Variants in DNASE1L1 observed in about 807,000 individuals in gnomAD.
DNASE1L1 encodes deoxyribonuclease 1 like 1.
Under a neutral mutation model 18.6 loss-of-function variants are expected in DNASE1L1, and 8 were observed. The observed-to-expected ratio is 0.43, with a 90% CI of 0.25 to 0.78. DNASE1L1 has a LOEUF of 0.78. DNASE1L1 is among the 30% of genes least tolerant of loss of function. The pLI is 0.23. For synonymous variants in DNASE1L1, 114 were observed against 114.2 expected (o/e 1.00, Z 0.01); for missense variants, 214 against 258.2 (o/e 0.83, Z 1.17).
intron 1 of DNASE1L1, among the ~76,000 whole-genome samples, chrX:154,407,485 G>C (rs1374636481): frequency 9.5e-6 from 1 of 105,270 alleles, no homozygotes; most frequent in Non-Finnish European, 2.0e-5. Flanking sequence ...GTGATCAGCC[G>C]GCCTTGGCCT....
At chrX:154,409,701 C>A (rs1557189398), upstream of DNASE1L1, 1 of 113,255 alleles carries the variant, frequency 8.8e-6, no homozygotes, top group East Asian at 2.8e-4. Flanking sequence ...GAGGGACAGT[C>A]CACACATGAT....
At chrX:154,405,408 C>T (rs781956211) in intron 2 of DNASE1L1, 26 bp downstream of exon 2, 17 of 1,165,506 alleles carry the variant, frequency 1.5e-5, no homozygotes, top group East Asian at 6.1e-5. Context: ...GTTAGGGGCA[C>T]GGCTTCCCTG....
intron 7 of DNASE1L1, 42 bp from the exon 8 acceptor site, chrX:154,402,883 G>A: frequency 1.7e-6 from 2 of 1,204,867 alleles, no homozygotes; most frequent in Non-Finnish European, 2.2e-6. Flanking sequence ...CCGGGGCCGA[G>A]GGGCTTCCCT....
intron 1 of DNASE1L1, among the ~76,000 whole-genome samples, chrX:154,406,273 G>C (rs1045356009): frequency 4.6e-5 from 5 of 108,147 alleles, no homozygotes; most frequent in Non-Finnish European, 9.6e-5. Flanking sequence ...CCCGGCTGTA[G>C]AATTTCTTTC....
At position 154,401,884 on chromosome X, in the gene DNASE1L1, G is replaced by C. The variant is rs1226077844; in HGVS notation, c.*823C>G. Reference sequence around the variant, plus strand: ...TTATAGTTAACACATGACCCTTCTAGCGTCCCAGCCAGTGTTTTTCCTGAC... The same window carrying C: ...TTATAGTTAACACATGACCCTTCTACCGTCCCAGCCAGTGTTTTTCCTGAC... On this transcript the variant is annotated 3_prime_UTR_variant, in exon 8 of 8. Coordinates refer to ENST00000369807, the MANE Select transcript of DNASE1L1 (RefSeq NM_001303620.2). The C allele has an allele frequency of 9.0e-6, 1 of 111,698 alleles. No individual in the cohort carries two copies. The highest frequency in any genetic ancestry group is 9.5e-5 in the Admixed American group (1 of 10,530). 9.2% of individuals were successfully genotyped at this position (111,698 alleles called of 1,213,427 possible). A position where few individuals can be genotyped will look rare whatever the true frequency, so the allele number is the denominator to read the frequency against.
At position 154,402,972 on chromosome X, in the gene DNASE1L1, GAAGTCA is replaced by G; in HGVS notation, c.738_743del (p.Asp247_Phe248del). On this transcript the variant is annotated inframe_deletion, in exon 7 of 8. Transcript: ENST00000369807. Reference sequence around the variant, plus strand: ...CCTCGGTGAGCTGGAAGCTCGTGGGGAAGTCAAAGGCAGCCGCAGTGTGCAGCAGAC... The same window carrying G: ...CCTCGGTGAGCTGGAAGCTCGTGGGGAAGGCAGCCGCAGTGTGCAGCAGAC... The G allele has an allele frequency of 1.7e-6, 2 of 1,210,878 alleles. No homozygotes were observed. The highest frequency in any genetic ancestry group is 2.2e-6 in the Non-Finnish European group (2 of 895,449).
chrX:154,402,751 A>G lies in DNASE1L1; in HGVS notation c.865T>C (p.Leu289=). ...SVQPLSLTVL[L]LLSLLSPQLC... is the part of the protein sequence containing the mutation. The stretch of plus-strand genomic sequence containing the variant: ...TGAGGGGACAGGAGTGATAGCAGCA[A>G]CAGAACAGTGAGGCTGAGAGGCTGG... Residue 289 remains leucine, a synonymous_variant, in exon 8 of 8, where the codon TTG becomes CTG. Coordinates refer to ENST00000369807, the MANE Select transcript of DNASE1L1 (RefSeq NM_001303620.2). 8.3e-7 allele frequency: 1 copy of G among 1,211,645 alleles called. No individual in the cohort carries two copies. The highest frequency in any genetic ancestry group is 1.1e-6 in the Non-Finnish European group (1 of 895,367).
chrX:154,411,745 G>A, upstream of DNASE1L1: 1 of 843,466 alleles, frequency 1.2e-6, no homozygotes, highest in Non-Finnish European at 1.7e-6. Context: ...GCGCGGGCCA[G>A]TCAGGGGCCA....
Position 154,405,585 on chromosome X carries a change from C to T in DNASE1L1, c.-17G>A, listed in dbSNP as rs201038440. 8.4e-4 allele frequency: 941 copies of T among 1,124,064 alleles called. 1 individual carries two copies. The highest frequency in any genetic ancestry group is 6.8e-3 in the Middle Eastern group (20 of 2,945). 92.6% of individuals were successfully genotyped at this position (1,124,064 alleles called of 1,213,427 possible). ...GTAGTGCATGGCTGTGTGTGGCTGC[C>T]GGGGACACCCCAGGAATCCAGGCTG... On this transcript the variant is annotated 5_prime_UTR_variant, in exon 2 of 8. Transcript: ENST00000369807.
At chrX:154,408,228 C>T (rs1410119804) in intron 1 of DNASE1L1, among the ~76,000 whole-genome samples, 3 of 111,539 alleles carry the variant, frequency 2.7e-5, no homozygotes, top group African/African-American at 6.5e-5. Context: ...CCACCGCGCC[C>T]GGCTACCAAG....
At chrX:154,405,694 C>T in intron 1 of DNASE1L1, 39 bp from the exon 2 acceptor site, 1 of 682,647 alleles carries the variant, frequency 1.5e-6, no homozygotes, top group Non-Finnish European at 2.0e-6. Flanking sequence ...TAGCTGCTGC[C>T]CAGCACCAGC....
At chrX:154,409,304 G>A (rs2068218256), upstream of DNASE1L1, 3 of 236,661 alleles carry the variant, frequency 1.3e-5, no homozygotes, top group Non-Finnish European at 2.4e-5. Flanking sequence ...GGCCCGCCCC[G>A]TCTCCGCCTC....
upstream of DNASE1L1, among the ~76,000 whole-genome samples, chrX:154,410,631 A>G (rs2068256739): frequency 9.0e-6 from 1 of 110,735 alleles, no homozygotes; most frequent in African/African-American, 3.3e-5. Flanking sequence ...GCACTTTGGG[A>G]GGCTGAGGTG....
Position 154,405,529 on chromosome X carries a change from T to C in DNASE1L1, c.40A>G (p.Asn14Asp), listed in dbSNP as rs1557188274. 1 of 1,195,210 alleles carries C rather than the reference T, an allele frequency of 8.4e-7. No individual in the cohort carries two copies. ...PTALLFLILA[N>D]GAQAFRICAF... ...CAGATGCGAAAGGCCTGGGCCCCATTGGCCAGGATGAGGAAGAGGAGTGCA... is the reference window on the plus strand; with the variant it reads ...CAGATGCGAAAGGCCTGGGCCCCATCGGCCAGGATGAGGAAGAGGAGTGCA... The change falls in exon 2 of 8, where the codon AAT (asparagine) becomes GAT (aspartate). Residue 14 changes from asparagine (N) to aspartate (D), a missense_variant. Transcript: ENST00000369807.
chrX:154,406,330 C>T (rs1557188472), intron 1 of DNASE1L1, among the ~76,000 whole-genome samples: 1 of 107,659 alleles, frequency 9.3e-6, no homozygotes, highest in East Asian at 2.9e-4. Flanking sequence ...TCTGGGTAGA[C>T]CACATTTTGT....
At position 154,401,575 on chromosome X, in the gene DNASE1L1, C is replaced by T. The variant is rs60050218; in HGVS notation, c.*1132G>A. Reference sequence around the variant, plus strand: ...TCTGACCTGAACTATTGTAGAACAGCGCTGGCTTTTGGGGGAGCAGCAAAA... The same window carrying T: ...TCTGACCTGAACTATTGTAGAACAGTGCTGGCTTTTGGGGGAGCAGCAAAA... On this transcript the variant is annotated 3_prime_UTR_variant, in exon 8 of 8. Coordinates refer to ENST00000369807, the MANE Select transcript of DNASE1L1 (RefSeq NM_001303620.2). The T allele has an allele frequency of 0.024, 2,684 of 112,835 alleles. 98 individuals are homozygous for T. Among genetic ancestry groups the T allele is most frequent in the African/African-American group, 0.083 (2,535 of 30,553 alleles). The allele number at this position is 112,835 out of a possible 1,213,427, so 9.3% of individuals were successfully genotyped here.
chrX:154,407,707 T>C (rs1324462147), intron 1 of DNASE1L1, among the ~76,000 whole-genome samples: 1 of 94,458 alleles, frequency 1.1e-5, no homozygotes, highest in Non-Finnish European at 2.1e-5. Flanking sequence ...GTGATTCTCC[T>C]GCCTCAGCCT....
At chrX:154,406,339 GTTCA>G (rs1178960705) in intron 1 of DNASE1L1, among the ~76,000 whole-genome samples, 2 of 100,942 alleles carry the variant, frequency 2.0e-5, no homozygotes, top group African/African-American at 3.7e-5. Flanking sequence ...ACCACATTTT[GTTCA>G]TTCATTCATT....
upstream of DNASE1L1, chrX:154,411,544 C>G: frequency 2.8e-6 from 1 of 356,778 alleles, no homozygotes; most frequent in Admixed American, 3.5e-5. Context: ...GGTTCGCTTT[C>G]CGGCGGTTGC....
Sources: allele counts gnomAD v4.1 joint callset (sites outside exome capture counted in the v4.1 genomes callset), GRCh38; gene constraint gnomAD v4.1.1; transcripts MANE v1.5; gene names NCBI Gene and HGNC (gene_info 2026-07-23, HGNC 2026-07-21).